Variants in RAPGEF4 observed in about 807,000 individuals in gnomAD.
RAPGEF4 encodes the protein RAP guanine-nucleotide-exchange factor (GEF) 4.
Under a neutral mutation model 147.9 loss-of-function variants are expected in RAPGEF4, and 66 were observed. The ratio of observed to expected loss-of-function variants is 0.45; its 90% CI spans 0.37 to 0.55. The LOEUF (loss-of-function observed/expected upper bound fraction) is 0.55, where lower values mean the gene tolerates loss of function less well. Ranked by LOEUF, RAPGEF4 falls within the 20% of genes least tolerant of loss-of-function variation. RAPGEF4 has a pLI of 0.00. For missense variants in RAPGEF4, 1,071 were observed against 1,257.3 expected (o/e 0.85, Z 2.24); for synonymous variants, 419 against 442.7 (o/e 0.95, Z 0.67).
At chr2:172,775,463 C>T (rs1444851112) in intron 1 of RAPGEF4, among the ~76,000 whole-genome samples, 1 of 152,242 alleles carries the variant, frequency 6.6e-6, no homozygotes, top group South Asian at 2.1e-4. Flanking sequence ...TCATCCCTAA[C>T]TAATCATAAT....
chr2:172,953,599 A>C lies in RAPGEF4; in HGVS notation c.538-7161A>C, dbSNP rs552155331. On this transcript the variant is annotated intron_variant, in intron 6 of 30. Transcript: ENST00000397081. ...AACTGTGTTCTCTCTGGTACTTAGC[A>C]ACCATAAAAACACCTCAGTCTTAAT... Among the ~76,000 whole-genome samples the C allele has an allele frequency of 2.6e-4, 39 of 152,214 alleles. 1 individual carries two copies. In the South Asian group the frequency reaches 7.3e-3, roughly 28 times the overall value.
chr2:173,003,756 T>A (rs1289873247), intron 17 of RAPGEF4, among the ~76,000 whole-genome samples: 3 of 152,158 alleles, frequency 2.0e-5, no homozygotes, highest in African/African-American at 7.2e-5. Context: ...TAAATTTTAA[T>A]GATTCTGTAA....
intron 6 of RAPGEF4, among the ~76,000 whole-genome samples, chr2:172,924,760 G>T (rs1262706309): frequency 6.6e-6 from 1 of 152,144 alleles, no homozygotes; most frequent in Non-Finnish European, 1.5e-5. Flanking sequence ...TTATCCTTCA[G>T]CTTCTTTAAC....
chr2:173,012,537 C>T (rs1400438478), intron 17 of RAPGEF4, among the ~76,000 whole-genome samples: 3 of 152,202 alleles, frequency 2.0e-5, no homozygotes, highest in East Asian at 1.9e-4. Flanking sequence ...ACAGTGGCAA[C>T]GTAGCATTGT....
At chr2:172,856,246 C>G (rs1693404032) in intron 4 of RAPGEF4, among the ~76,000 whole-genome samples, 1 of 152,094 alleles carries the variant, frequency 6.6e-6, no homozygotes, top group Non-Finnish European at 1.5e-5. Context: ...GTTATTGGGT[C>G]AATTCAGTGA....
At chr2:173,027,013 A>G in intron 24 of RAPGEF4, 68 bp from the exon 25 acceptor site, 1 of 1,395,766 alleles carries the variant, frequency 7.2e-7, no homozygotes, top group Non-Finnish European at 9.7e-7. Context: ...TGTCTTGACA[A>G]ATAGAGAAAC....
intron 4 of RAPGEF4, among the ~76,000 whole-genome samples, chr2:172,825,719 C>T (rs1420308133): frequency 6.6e-6 from 1 of 151,842 alleles, no homozygotes; most frequent in Non-Finnish European, 1.5e-5. Flanking sequence ...AAGTACATAC[C>T]TTTTAAATTC....
At chr2:172,902,387 C>T (rs1443314276) in intron 4 of RAPGEF4, among the ~76,000 whole-genome samples, 2 of 152,044 alleles carry the variant, frequency 1.3e-5, no homozygotes, top group Admixed American at 6.6e-5. Context: ...ACTGCAGCCT[C>T]GACCTCTTGA....
intron 6 of RAPGEF4, among the ~76,000 whole-genome samples, chr2:172,942,812 A>G (rs1196666713): frequency 6.6e-6 from 1 of 152,098 alleles, no homozygotes; most frequent in Non-Finnish European, 1.5e-5. Context: ...TCAACATATA[A>G]CCAATATATT....
intron 4 of RAPGEF4, among the ~76,000 whole-genome samples, chr2:172,831,265 A>AATTTTTTTTTTTTTTT (rs1491195850): frequency 1.8e-4 from 3 of 16,624 alleles, no homozygotes; most frequent in East Asian, 2.4e-3. Context: ...CAGATAGAAA[A>AATTTTTTTTTTTTTTT]CTTTTTTTTT....
chr2:172,751,847 C>T (rs931925179), intron 1 of RAPGEF4, among the ~76,000 whole-genome samples: 2 of 152,156 alleles, frequency 1.3e-5, no homozygotes, highest in African/African-American at 4.8e-5. Context: ...GGAAAGTACC[C>T]ATAGACTACT....
chr2:172,896,495 T>C (rs916712932), intron 4 of RAPGEF4, among the ~76,000 whole-genome samples: 2 of 152,160 alleles, frequency 1.3e-5, no homozygotes, highest in African/African-American at 4.8e-5. Context: ...ATAGTATTTA[T>C]AGATATTTAG....
At chr2:172,815,747 A>G (rs1483436186) in intron 4 of RAPGEF4, among the ~76,000 whole-genome samples, 1 of 152,194 alleles carries the variant, frequency 6.6e-6, no homozygotes, top group East Asian at 1.9e-4. Flanking sequence ...ACTTACTCAA[A>G]TTGCTGAGAG....
intron 6 of RAPGEF4, among the ~76,000 whole-genome samples, chr2:172,956,472 C>CTT (rs35815206): frequency 0.019 from 2,538 of 136,212 alleles, 53 homozygotes; most frequent in Middle Eastern, 0.058. Flanking sequence ...GTTTCTTTTT[C>CTT]TTTTTTTTTT....
At chr2:172,893,506 A>C (rs568997222) in intron 4 of RAPGEF4, among the ~76,000 whole-genome samples, 48 of 152,236 alleles carry the variant, frequency 3.2e-4, no homozygotes, top group Non-Finnish European at 6.0e-4. Context: ...GCCCCGAATC[A>C]TGGGAGTTGA....
At chr2:172,930,788 T>C (rs1375299591) in intron 6 of RAPGEF4, among the ~76,000 whole-genome samples, 1 of 152,182 alleles carries the variant, frequency 6.6e-6, no homozygotes, top group African/African-American at 2.4e-5. Context: ...TGTGCTAATT[T>C]ATTTGCATAC....
At position 173,036,667 on chromosome 2, in the gene RAPGEF4, A is replaced by G; in HGVS notation, c.2828A>G (p.Asp943Gly). 1 of 1,611,518 alleles carries G rather than the reference A, an allele frequency of 6.2e-7. No individual in the cohort carries two copies. The highest frequency in any genetic ancestry group is 2.2e-5 in the East Asian group (1 of 44,828). Residue 943 changes from aspartate to glycine, a missense_variant, in exon 29 of 31, where the codon GAC becomes GGC. By Grantham distance (94) the Asp-to-Gly change is moderately conservative. Coordinates refer to ENST00000397081, the MANE Select transcript of RAPGEF4 (RefSeq NM_007023.4). ...FTHEGNKTFI[D>G]NLVNFEKMRM... is the part of the protein sequence containing the mutation. The stretch of plus-strand genomic sequence containing the variant: ...CATGAGGGGAACAAGACGTTCATTG[A>G]CAATCTAGTAAACTTTGAAAAAATG...
At chr2:173,045,051 C>T (rs1406023890) in intron 29 of RAPGEF4, among the ~76,000 whole-genome samples, 2 of 152,204 alleles carry the variant, frequency 1.3e-5, no homozygotes, top group Admixed American at 1.3e-4. Flanking sequence ...AACCCTATAT[C>T]TCTTTAACCT....
chr2:172,945,093 G>A (rs956288589), intron 6 of RAPGEF4, among the ~76,000 whole-genome samples: 1 of 151,952 alleles, frequency 6.6e-6, no homozygotes, highest in Non-Finnish European at 1.5e-5. Context: ...TATTTCTTTG[G>A]CCTTTTAGAA....
Sources: allele counts gnomAD v4.1 joint callset (sites outside exome capture counted in the v4.1 genomes callset), GRCh38; gene constraint gnomAD v4.1.1; transcripts MANE v1.5; gene names NCBI Gene and HGNC (gene_info 2026-07-23, HGNC 2026-07-21).